Variants in MROH2A observed in about 807,000 individuals in gnomAD.
The protein encoded by MROH2A is maestro heat-like repeat-containing protein family member 2A.
A neutral mutation model predicts 200.4 loss-of-function variants in MROH2A; 174 were observed. That is an observed-to-expected ratio of 0.87 (90% CI 0.77 to 0.98). MROH2A has a LOEUF of 0.98. Ranked by LOEUF, MROH2A falls within the 50% of genes least tolerant of loss-of-function variation. The pLI, the probability that MROH2A is intolerant of heterozygous loss-of-function variation, is 0.00. For synonymous variants in MROH2A, 829 were observed against 840.4 expected, an observed-to-expected ratio of 0.99 and a Z score of 0.23; for missense variants, 2,045 against 2,139.6, an observed-to-expected ratio of 0.96 and a Z score of 0.87.
chr2:233,802,721 G>A (rs762941713), intron 15 of MROH2A, among the ~76,000 whole-genome samples: 1 of 152,108 alleles, frequency 6.6e-6, no homozygotes, highest in Non-Finnish European at 1.5e-5. Context: ...CACTCAGAGT[G>A]GGCACTGTTA....
In MROH2A at chr2:233,828,202, C is replaced by T. The variant is rs541370588; in HGVS notation, c.4114-428C>T. Among the ~76,000 whole-genome samples, 1 of 152,168 alleles carries T rather than the reference C, an allele frequency of 6.6e-6. No individual in the cohort carries two copies. The highest frequency in any genetic ancestry group is 1.5e-5 in the Non-Finnish European group (1 of 68,020). Reference sequence around the variant, plus strand: ...GTACTTGCATGCACACATGTACACACATGTACACACATGCATGCACCCACA... The same window carrying T: ...GTACTTGCATGCACACATGTACACATATGTACACACATGCATGCACCCACA... On this transcript the variant is annotated intron_variant, in intron 35 of 41. Transcript: ENST00000389758. The surrounding 1 kb of genome is among the most constrained non-coding windows in gnomAD (Gnocchi z 4.6).
intron 3 of MROH2A, among the ~76,000 whole-genome samples, chr2:233,786,673 C>G (rs1280616134): frequency 6.6e-6 from 1 of 152,128 alleles, no homozygotes. Flanking sequence ...GAGGAGTAGT[C>G]TCTCTAGGGT....
intron 6 of MROH2A, 129 bp downstream of exon 6, chr2:233,793,023 G>A (rs1043838926): frequency 1.1e-6 from 1 of 940,622 alleles, no homozygotes; most frequent in African/African-American, 1.7e-5. Context: ...AAAGGAGTTT[G>A]CTTAATCTTT....
intron 8 of MROH2A, 55 bp downstream of exon 8, chr2:233,794,561 C>T: frequency 3.1e-6 from 3 of 968,026 alleles, no homozygotes; most frequent in South Asian, 2.9e-5. Flanking sequence ...ATTGGGGGCT[C>T]CCAAGTGTTT....
rs1401998772 is a variant in MROH2A at position 233,778,473 on chromosome 2, T to G, written c.-23T>G. On this transcript the variant is annotated 5_prime_UTR_variant, in exon 1 of 42. Coordinates refer to ENST00000389758, the MANE Select transcript of MROH2A (RefSeq NM_001394639.1). The stretch of plus-strand genomic sequence containing the variant: ...ATCTGTTTAATCCAGAAGAAGACCC[T>G]AAGGAAAGGTCAGTATTTAGGTCCC... 2 of 169,290 alleles carry G rather than the reference T, an allele frequency of 1.2e-5. No homozygotes were observed. The allele number at this position is 169,290 out of a possible 1,614,324, so 10.5% of individuals were successfully genotyped here.
chr2:233,806,649 C>T (rs1053187512), intron 19 of MROH2A, among the ~76,000 whole-genome samples: 8 of 152,162 alleles, frequency 5.3e-5, no homozygotes, highest in South Asian at 2.1e-4. Context: ...GAAATTGGTG[C>T]GCTTAGGTTT....
chr2:233,787,645 T>TAC (rs1701315765), intron 3 of MROH2A, among the ~76,000 whole-genome samples: 1 of 52,782 alleles, frequency 1.9e-5, no homozygotes, highest in African/African-American at 9.3e-5. Flanking sequence ...ATATTATATA[T>TAC]ATCATATATA....
chr2:233,786,846 G>A (rs80354574), intron 3 of MROH2A, among the ~76,000 whole-genome samples: 1 of 152,120 alleles, frequency 6.6e-6, no homozygotes, highest in Non-Finnish European at 1.5e-5. Context: ...TCCTTAACTA[G>A]TTAAGGAACT....
At chr2:233,784,833 C>G (rs921034336) in intron 3 of MROH2A, among the ~76,000 whole-genome samples, 1 of 152,148 alleles carries the variant, frequency 6.6e-6, no homozygotes, top group African/African-American at 2.4e-5. Context: ...TATAGCAATG[C>G]AAGAACAGAC....
chr2:233,807,952 T>C lies in MROH2A; in HGVS notation c.2295+97T>C. 6.8e-7 allele frequency: 1 copy of C among 1,464,040 alleles called. No individual in the cohort carries two copies. The highest frequency in any genetic ancestry group is 9.3e-7 in the Non-Finnish European group (1 of 1,075,294). 90.7% of individuals were successfully genotyped at this position (1,464,040 alleles called of 1,614,324 possible). On this transcript the variant is annotated intron_variant, in intron 21 of 41. Transcript: ENST00000389758. This position sits in a 1 kb window ranked among gnomAD's most constrained non-coding sequence, Gnocchi z 4.3. ...CCTTTCTAGATCTCAGTAGGAAACT[T>C]GCCTCACACGGAGTCTCCTGTCATC... is the stretch of plus-strand genomic sequence containing the variant.
In MROH2A at chr2:233,787,320, G is replaced by T. The variant is rs144148206; in HGVS notation, c.277-2177G>T. On this transcript the variant is annotated intron_variant, in intron 3 of 41. Transcript: ENST00000389758. Reference sequence around the variant, plus strand: ...AATCTAGAGCTTGCATTCTCAATGGGGTGATATTGCCCCCCAGTTAAGTAA... The same window carrying T: ...AATCTAGAGCTTGCATTCTCAATGGTGTGATATTGCCCCCCAGTTAAGTAA... Among the ~76,000 whole-genome samples the T allele has an allele frequency of 7.7e-3, 1,154 of 150,598 alleles. 11 individuals are homozygous for T. The highest frequency in any genetic ancestry group is 0.011 in the Non-Finnish European group (771 of 67,864).
rs562458981 is a variant in MROH2A, at chr2:233,794,220, G to A, written c.823-143G>A. 100 of 654,334 alleles carry A rather than the reference G, an allele frequency of 1.5e-4. No homozygotes were observed. The Admixed American group carries it at 2.1e-3, about 14-fold the overall frequency. The allele number at this position is 654,334 out of a possible 1,614,324, so 40.5% of individuals were successfully genotyped here. The stretch of plus-strand genomic sequence containing the variant: ...TGCTAAGTGGGAGGGACTCAAACCC[G>A]GCCGCCTGTGCAGGAAAGACCTTGC... On this transcript the variant is annotated intron_variant, in intron 7 of 41. Transcript: ENST00000389758.
At chr2:233,779,163 A>G (rs1301434938) in intron 1 of MROH2A, among the ~76,000 whole-genome samples, 182 bp from the exon 2 acceptor site, 2 of 152,194 alleles carry the variant, frequency 1.3e-5, no homozygotes, top group Non-Finnish European at 2.9e-5. Context: ...TTGCCATATG[A>G]TGTAATCCAC....
At chr2:233,780,548 A>G (rs1445876552) in intron 3 of MROH2A, among the ~76,000 whole-genome samples, 1 of 152,034 alleles carries the variant, frequency 6.6e-6, no homozygotes, top group Non-Finnish European at 1.5e-5. Context: ...AAAAAGTTTT[A>G]TTATTTTTGT....
chr2:233,801,722 C>T (rs1207023700), intron 14 of MROH2A, among the ~76,000 whole-genome samples: 2 of 152,190 alleles, frequency 1.3e-5, no homozygotes, highest in Admixed American at 1.3e-4. Context: ...CACAACAACA[C>T]CTAGATTGGT....
intron 19 of MROH2A, among the ~76,000 whole-genome samples, chr2:233,806,847 T>TAC (rs1702821852): frequency 6.6e-6 from 1 of 152,186 alleles, no homozygotes; most frequent in Non-Finnish European, 1.5e-5. Flanking sequence ...GGTCTTCGGT[T>TAC]ACATGAATAA....
At position 233,828,770 on chromosome 2, in the gene MROH2A, C is replaced by T; in HGVS notation, c.4254C>T (p.Ala1418=). The change falls in exon 36 of 42, where the codon GCC becomes GCT. Residue 1418 remains alanine (A), a synonymous_variant. Transcript: ENST00000389758. The surrounding 1 kb of genome is among the most constrained non-coding windows in gnomAD (Gnocchi z 4.6). ...CCCTCGGCAACATGGCCCTGGGCGC[C>T]CCCAAGAAGGTACTGTGCCTGGCCC... ...LRALGNMALG[A]PKKVKQYRKV... 6.5e-7 allele frequency: 1 copy of T among 1,550,296 alleles called. No homozygotes were observed. The highest frequency in any genetic ancestry group is 8.7e-7 in the Non-Finnish European group (1 of 1,146,850).
intron 16 of MROH2A, among the ~76,000 whole-genome samples, chr2:233,803,838 C>G (rs928051157): frequency 1.3e-5 from 2 of 152,146 alleles, no homozygotes; most frequent in African/African-American, 4.8e-5. Flanking sequence ...ATCCATGTTG[C>G]ACTGAAGCCT....
In MROH2A at chr2:233,793,785, C is replaced by G. The variant is rs1455213026; in HGVS notation, c.783C>G (p.Arg261=). ...EFALKVFPMY[R]YFVTVWLRHY... ...CCCTGAAGGTGTTCCCCATGTATCG[C>G]TACTTCGTGACAGTGTGGCTGAGGC... is the stretch of plus-strand genomic sequence containing the variant. Residue 261 remains arginine, a synonymous_variant, in exon 7 of 42, where the codon CGC becomes CGG. Coordinates refer to ENST00000389758, the MANE Select transcript of MROH2A (RefSeq NM_001394639.1). 1 of 1,485,022 alleles carries G rather than the reference C, an allele frequency of 6.7e-7. No individual in the cohort carries two copies. Among genetic ancestry groups the G allele is most frequent in the East Asian group, 2.7e-5 (1 of 36,560 alleles). 92.0% of individuals were successfully genotyped at this position (1,485,022 alleles called of 1,614,324 possible).
Sources: gnomAD v4.1 joint callset for allele counts (sites outside exome capture counted in the v4.1 genomes callset) on GRCh38, gnomAD v4.1.1 for gene constraint, Gnocchi (gnomAD v3.1) non-coding constraint, MANE v1.5 for transcripts, NCBI Gene and HGNC (gene_info 2026-07-23, HGNC 2026-07-21) for gene names.